CDH18: variants seen among roughly 807,000 people sequenced by gnomAD.
CDH18 encodes the protein cadherin-18.
A neutral mutation model predicts 67.9 loss-of-function variants in CDH18; 31 were observed. That is an observed-to-expected ratio of 0.46 (90% confidence interval 0.34 to 0.62). The LOEUF is 0.62. CDH18 is among the 20% of genes least tolerant of loss of function. The pLI, the probability that CDH18 is intolerant of heterozygous loss-of-function variation, is 0.01. For missense variants in CDH18, 890 were observed against 975.5 expected, an observed-to-expected ratio of 0.91 and a Z score of 1.17; for synonymous variants, 362 against 347.2, an observed-to-expected ratio of 1.04 and a Z score of -0.48.
intron 9 of CDH18, among the ~76,000 whole-genome samples, chr5:19,538,367 G>T (rs1425849996): frequency 1.3e-5 from 2 of 152,038 alleles, no homozygotes; most frequent in African/African-American, 4.8e-5. Flanking sequence ...TGCACAGAGG[G>T]AAGATGGTGT....
Position 19,473,803 on chromosome 5 carries a change from C to G in CDH18, c.1883-87G>C. ...TTACAACAGCAATTTCCCATTTTCC[C>G]ATTCGTCATTAACCACATTCCAGAG... On this transcript the variant is annotated intron_variant, in intron 12 of 12. Coordinates refer to ENST00000382275, the MANE Select transcript of CDH18 (RefSeq NM_004934.5). The G allele has an allele frequency of 2.6e-6, 3 of 1,153,768 alleles. No individual in the cohort carries two copies. In the South Asian group the frequency reaches 4.4e-5, roughly 17 times the overall value. The allele number at this position is 1,153,768 out of a possible 1,614,324, so 71.5% of individuals were successfully genotyped here. A position where few individuals can be genotyped will look rare whatever the true frequency, so the allele number is the denominator to read the frequency against.
intron 1 of CDH18, among the ~76,000 whole-genome samples, chr5:20,547,931 C>G (rs141958055): frequency 6.6e-6 from 1 of 151,804 alleles, no homozygotes; most frequent in South Asian, 2.1e-4. Context: ...AAGAAAAAAG[C>G]TCTCAGTTTG....
rs376279568 is a variant in CDH18 at position 20,242,596 on chromosome 5, G to GAAA, written c.-518+12845_-518+12847dup. ...TTCTAGGTTTTGGGTTTCATTGAGG[G>GAAA]AAAAAAAAAAAAAAAATATATATAT... On this transcript the variant is annotated intron_variant, in intron 2 of 14. Coordinates refer to the CDH18 transcript ENST00000507958. 3.3e-4 allele frequency among the ~76,000 whole-genome samples: 26 copies of GAAA among 77,804 alleles called. 1 individual carries two copies. The highest frequency in any genetic ancestry group is 8.9e-4 in the African/African-American group (10 of 11,226). 51.0% of individuals were successfully genotyped at this position (77,804 alleles called of 152,430 possible). A position where few individuals can be genotyped will look rare whatever the true frequency, so the allele number is the denominator to read the frequency against.
intron 2 of CDH18, among the ~76,000 whole-genome samples, chr5:19,918,960 G>T (rs575322711): frequency 1.3e-5 from 2 of 152,164 alleles, no homozygotes; most frequent in Non-Finnish European, 2.9e-5. Flanking sequence ...GTTGCCAGAG[G>T]AACCAAACAT....
At chr5:20,206,167 A>G (rs1244173321) in intron 2 of CDH18, among the ~76,000 whole-genome samples, 1 of 151,930 alleles carries the variant, frequency 6.6e-6, no homozygotes, top group Non-Finnish European at 1.5e-5. Context: ...AGCAACTTAT[A>G]CCACAGAAAT....
intron 2 of CDH18, among the ~76,000 whole-genome samples, chr5:20,153,008 T>C (rs1488086767): frequency 1.3e-5 from 2 of 148,746 alleles, no homozygotes; most frequent in African/African-American, 2.5e-5. Context: ...AGTGGTGAGA[T>C]CTTGGCTCAC....
intron 2 of CDH18, among the ~76,000 whole-genome samples, chr5:20,106,561 G>T (rs1746956541): frequency 6.6e-6 from 1 of 151,874 alleles, no homozygotes; most frequent in South Asian, 2.1e-4. Flanking sequence ...TTAATTATTT[G>T]GAATAATTAT....
chr5:19,820,360 C>A (rs530175374), intron 3 of CDH18, among the ~76,000 whole-genome samples: 1 of 152,220 alleles, frequency 6.6e-6, no homozygotes, highest in Non-Finnish European at 1.5e-5. Flanking sequence ...AGGGAGAAAC[C>A]AACAGGGGAG....
intron 1 of CDH18, among the ~76,000 whole-genome samples, chr5:20,330,879 ACTTTCACT>A (rs542583815): frequency 2.1e-4 from 32 of 152,230 alleles, no homozygotes; most frequent in Middle Eastern, 3.4e-3. Context: ...TTTTTAATAA[ACTTTCACT>A]CGTGCTTGAA....
At chr5:20,052,536 G>A (rs78124853) in intron 2 of CDH18, among the ~76,000 whole-genome samples, 1,745 of 152,194 alleles carry the variant, frequency 0.011, 39 homozygotes, top group African/African-American at 0.04. Flanking sequence ...TTCATGGACT[G>A]AGTCTATAAT....
At chr5:20,333,057 T>C (rs1739328254) in intron 1 of CDH18, among the ~76,000 whole-genome samples, 1 of 152,142 alleles carries the variant, frequency 6.6e-6, no homozygotes, top group Non-Finnish European at 1.5e-5. Flanking sequence ...CTCATCAATG[T>C]TGAGGCAAAA....
At chr5:19,605,034 AT>A (rs1235044770) in intron 6 of CDH18, among the ~76,000 whole-genome samples, 1 of 151,996 alleles carries the variant, frequency 6.6e-6, no homozygotes, top group African/African-American at 2.4e-5. Context: ...GAATCAAATT[AT>A]TTCCAAGAAA....
chr5:19,675,412 A>G (rs1038828635), intron 5 of CDH18, among the ~76,000 whole-genome samples: 2 of 152,094 alleles, frequency 1.3e-5, no homozygotes. Flanking sequence ...CTTAACGACA[A>G]ACGTAAAAGA....
chr5:19,726,222 T>C (rs1353351332), intron 4 of CDH18, among the ~76,000 whole-genome samples: 1 of 152,176 alleles, frequency 6.6e-6, no homozygotes, highest in African/African-American at 2.4e-5. Flanking sequence ...AAGGGTAGCA[T>C]GGTGATACTG....
chr5:20,170,861 C>T (rs1580394890), intron 2 of CDH18, among the ~76,000 whole-genome samples: 2 of 152,140 alleles, frequency 1.3e-5, no homozygotes, highest in African/African-American at 4.8e-5. Flanking sequence ...TCCTCCCACA[C>T]TCCACTCTCT....
At chr5:20,129,648 T>C (rs1273451610) in intron 2 of CDH18, among the ~76,000 whole-genome samples, 1 of 152,014 alleles carries the variant, frequency 6.6e-6, no homozygotes, top group Non-Finnish European at 1.5e-5. Context: ...AAAACCAAGA[T>C]AAACCAAGTA....
chr5:19,854,449 AAAC>A (rs534629102), intron 2 of CDH18, among the ~76,000 whole-genome samples: 55 of 152,288 alleles, frequency 3.6e-4, no homozygotes, highest in Admixed American at 2.6e-3. Flanking sequence ...TTTCAGTAGA[AAAC>A]AAGAATAAAA....
intron 1 of CDH18, among the ~76,000 whole-genome samples, chr5:20,420,651 C>T (rs1747791229): frequency 6.6e-6 from 1 of 150,982 alleles, no homozygotes; most frequent in Admixed American, 6.6e-5. Flanking sequence ...TGTATTTTGC[C>T]CTAGTCCTAA....
In CDH18 at chr5:19,792,260, TTC is replaced by T. The variant is rs572137651; in HGVS notation, c.229-45026_229-45025del. On this transcript the variant is annotated intron_variant, in intron 3 of 12. Transcript: ENST00000382275. ...TGAAAGCAAAGGAAGGGTGAATTTT[TTC>T]TCTCTCTTCTAGAGCTGGGGCGTTC... Among the ~76,000 whole-genome samples the T allele has an allele frequency of 1.9e-4, 29 of 152,188 alleles. No homozygotes were observed. The East Asian group carries it at 3.7e-3, about 19-fold the overall frequency.
Sources: gnomAD v4.1 joint callset for allele counts (sites outside exome capture counted in the v4.1 genomes callset) on GRCh38, gnomAD v4.1.1 for gene constraint, MANE v1.5 for transcripts, NCBI Gene and HGNC (gene_info 2026-07-23, HGNC 2026-07-21) for gene names.